SOAT1: variants seen among roughly 807,000 people sequenced by gnomAD.
SOAT1 encodes the protein acyl-coenzyme A:cholesterol acyltransferase 1.
A neutral mutation model predicts 69.5 loss-of-function variants in SOAT1; 55 were observed. The observed-to-expected ratio is 0.79, with a 90% CI of 0.64 to 0.99. The LOEUF (loss-of-function observed/expected upper bound fraction) is 0.99, where lower values mean the gene tolerates loss of function less well. Among genes scored for constraint, SOAT1 ranks in the 50% least tolerant of loss-of-function variants. The pLI, the probability that SOAT1 is intolerant of heterozygous loss-of-function variation, is 0.00. For missense variants in SOAT1, 580 were observed against 669.3 expected, an observed-to-expected ratio of 0.87 and a Z score of 1.47; for synonymous variants, 231 against 224.7, an observed-to-expected ratio of 1.03 and a Z score of -0.25.
intron 10 of SOAT1, among the ~76,000 whole-genome samples, chr1:179,344,377 T>G (rs1571452465): frequency 3.1e-5 from 1 of 32,100 alleles, no homozygotes; most frequent in Non-Finnish European, 6.9e-5. Flanking sequence ...TTTTTTTTTT[T>G]TTTTTTTTTT....
intron 13 of SOAT1, among the ~76,000 whole-genome samples, chr1:179,349,696 T>G (rs1199567331): frequency 6.6e-6 from 1 of 152,192 alleles, no homozygotes; most frequent in Non-Finnish European, 1.5e-5. Flanking sequence ...ACACCTGGCT[T>G]TGAGACATTC....
intron 10 of SOAT1, 135 bp from the exon 11 acceptor site, chr1:179,344,812 A>T: frequency 2.6e-6 from 2 of 765,040 alleles, no homozygotes; most frequent in Non-Finnish European, 4.4e-6. Flanking sequence ...GCAGTCTTCT[A>T]TACTAGTGTT....
rs1035602494 is a variant in SOAT1, at chr1:179,343,491, G to A, written c.942-99G>A. 3.1e-6 allele frequency: 3 copies of A among 982,338 alleles called. No individual in the cohort carries two copies. In the Admixed American group the frequency reaches 6.4e-5, roughly 21 times the overall value. The allele number at this position is 982,338 out of a possible 1,614,324, so 60.9% of individuals were successfully genotyped here. A position where few individuals can be genotyped will look rare whatever the true frequency, so the allele number is the denominator to read the frequency against. Reference sequence around the variant, plus strand: ...TCCAAAGTGCTTGGATTACAGGTGTGAGCCACCGCGCCTGACCAAAAAACA... The same window carrying A: ...TCCAAAGTGCTTGGATTACAGGTGTAAGCCACCGCGCCTGACCAAAAAACA... On this transcript the variant is annotated intron_variant, in intron 9 of 15. Coordinates refer to ENST00000367619, the MANE Select transcript of SOAT1 (RefSeq NM_003101.6).
intron 14 of SOAT1, among the ~76,000 whole-genome samples, 176 bp downstream of exon 14, chr1:179,350,607 C>T (rs1177849230): frequency 6.6e-6 from 1 of 152,190 alleles, no homozygotes; most frequent in African/African-American, 2.4e-5. Flanking sequence ...ACAGCTCTGT[C>T]TCAAGATATT....
In SOAT1 at chr1:179,302,725, C is replaced by G; in HGVS notation, c.41C>G (p.Ser14Ter). ...AAGATGTCTCTAAGAAACCGGCTGTCAAAGTCCAGGGAAAATCCTGAGGAA... is the reference window on the plus strand; with the variant it reads ...AAGATGTCTCTAAGAAACCGGCTGTGAAAGTCCAGGGAAAATCCTGAGGAA... ...EEKMSLRNRLSKSRENPEEDE... is the reference protein window; with the variant it reads ...EEKMSLRNRL The change falls in exon 2 of 16, where the codon TCA (serine) becomes TGA (stop). Residue 14 changes from serine (S) to a stop codon, truncating the protein, a stop_gained. Transcript: ENST00000367619. LOFTEE classifies it high-confidence loss of function. 3.1e-6 allele frequency: 5 copies of G among 1,610,240 alleles called. No individual in the cohort carries two copies. The highest frequency in any genetic ancestry group is 4.2e-6 in the Non-Finnish European group (5 of 1,178,996).
At position 179,294,463 on chromosome 1, in the gene SOAT1, A is replaced by C. The variant is rs58512693; in HGVS notation, c.-9+527A>C. 1.5e-3 allele frequency: 234 copies of C among 152,350 alleles called. 1 individual carries two copies. The highest frequency in any genetic ancestry group is 5.4e-3 in the African/African-American group (226 of 41,584). The allele number at this position is 152,350 out of a possible 1,614,324, so 9.4% of individuals were successfully genotyped here. The stretch of plus-strand genomic sequence containing the variant: ...TAATTTAAATAATATGTATATTGAA[A>C]GGTTATTTCTAAGTGAGAAACAACT... On this transcript the variant is annotated intron_variant, in intron 1 of 15. Coordinates refer to ENST00000367619, the MANE Select transcript of SOAT1 (RefSeq NM_003101.6).
Position 179,356,202 on chromosome 1 carries a change from T to C in SOAT1, c.*2561T>C, listed in dbSNP as rs530472112. 1 of 152,346 alleles carries C rather than the reference T, an allele frequency of 6.6e-6. No homozygotes were observed. The highest frequency in any genetic ancestry group is 1.9e-4 in the East Asian group (1 of 5,192). The allele number at this position is 152,346 out of a possible 1,614,324, so 9.4% of individuals were successfully genotyped here. ...GCTTAAAGTTTTTGTTTCTGTAAGATGTAATGATAGTAACTATTATTTTGG... is the reference window on the plus strand; with the variant it reads ...GCTTAAAGTTTTTGTTTCTGTAAGACGTAATGATAGTAACTATTATTTTGG... On this transcript the variant is annotated 3_prime_UTR_variant, in exon 16 of 16. Transcript: ENST00000367619.
At chr1:179,298,957 A>G (rs1280139446) in intron 1 of SOAT1, among the ~76,000 whole-genome samples, 1 of 152,136 alleles carries the variant, frequency 6.6e-6, no homozygotes, top group Non-Finnish European at 1.5e-5. Context: ...TTCTTTCTTA[A>G]TGCCTGCCTG....
intron 2 of SOAT1, among the ~76,000 whole-genome samples, chr1:179,312,816 A>T (rs1665265013): frequency 6.6e-6 from 1 of 152,144 alleles, no homozygotes; most frequent in African/African-American, 2.4e-5. Flanking sequence ...TGGCCTCAGG[A>T]TGGTAACAGC....
chr1:179,343,260 GCT>G (rs1666402454), intron 9 of SOAT1, among the ~76,000 whole-genome samples: 1 of 150,884 alleles, frequency 6.6e-6, no homozygotes, highest in Non-Finnish European at 1.5e-5. Flanking sequence ...TGGGAGTCTT[GCT>G]CTGTCACCCA....
chr1:179,311,109 T>C (rs901683373), intron 2 of SOAT1, among the ~76,000 whole-genome samples: 1 of 152,200 alleles, frequency 6.6e-6, no homozygotes, highest in Admixed American at 6.5e-5. Flanking sequence ...CTCACGCTTA[T>C]AATCCATGCA....
At chr1:179,312,522 A>G (rs1665254783) in intron 2 of SOAT1, among the ~76,000 whole-genome samples, 1 of 152,198 alleles carries the variant, frequency 6.6e-6, no homozygotes, top group African/African-American at 2.4e-5. Context: ...GTTAGATTAC[A>G]AGTTATGCTG....
chr1:179,351,021 C>CTTTTTTTTTT (rs201449849), intron 14 of SOAT1, among the ~76,000 whole-genome samples: 4 of 127,586 alleles, frequency 3.1e-5, no homozygotes, highest in Non-Finnish European at 6.7e-5. Context: ...ATATTTCTTT[C>CTTTTTTTTTT]TTTTTTTTTT....
intron 11 of SOAT1, among the ~76,000 whole-genome samples, chr1:179,346,392 T>G (rs1666534686): frequency 6.6e-6 from 1 of 152,168 alleles, no homozygotes; most frequent in Admixed American, 6.5e-5. Flanking sequence ...ATGTACTACA[T>G]AAGTAGGATA....
At position 179,321,960 on chromosome 1, in the gene SOAT1, C is replaced by T. The variant is rs118172527; in HGVS notation, c.119-1477C>T. The stretch of plus-strand genomic sequence containing the variant: ...TGCAGTGGTGCGATCACGCTCACTG[C>T]AGGCTCAAATTCTTGGGTTCAAGTG... On this transcript the variant is annotated intron_variant, in intron 2 of 15. Coordinates refer to ENST00000367619, the MANE Select transcript of SOAT1 (RefSeq NM_003101.6). 2.0e-4 allele frequency among the ~76,000 whole-genome samples: 31 copies of T among 151,836 alleles called. No homozygotes were observed. In the East Asian group the frequency reaches 6.0e-3, roughly 29 times the overall value.
Position 179,337,829 on chromosome 1 carries a change from CT to C in SOAT1, c.330-6del, listed in dbSNP as rs770973873. ...CTTATATCTTGTTTTAATTTTTCCT[CT>C]TCTCAGGGATTTGAGAGCACCTCCA... On this transcript the variant is annotated splice_polypyrimidine_tract_variant and splice_region_variant and intron_variant, in intron 4 of 15. Coordinates refer to ENST00000367619, the MANE Select transcript of SOAT1 (RefSeq NM_003101.6). The C allele has an allele frequency of 1.2e-6, 2 of 1,603,848 alleles. No individual in the cohort carries two copies. Among genetic ancestry groups the C allele is most frequent in the Non-Finnish European group, 1.7e-6 (2 of 1,174,318 alleles).
At position 179,302,692 on chromosome 1, in the gene SOAT1, G is replaced by T. The variant is rs765009104; in HGVS notation, c.8G>T (p.Gly3Val). MV[G>V]EEKMSLRNRL... ...TCTTTCCTAGACAATACAATGGTGG[G>T]TGAAGAGAAGATGTCTCTAAGAAAC... Residue 3 changes from glycine (G) to valine (V), a missense_variant, in exon 2 of 16, where the codon GGT (glycine) becomes GTT (valine). Transcript: ENST00000367619. 3 of 1,596,800 alleles carry T rather than the reference G, an allele frequency of 1.9e-6. No homozygotes were observed. The highest frequency in any genetic ancestry group is 2.3e-5 in the South Asian group (2 of 87,998).
intron 15 of SOAT1, among the ~76,000 whole-genome samples, chr1:179,352,983 A>G (rs1571463139): frequency 6.7e-6 from 1 of 150,042 alleles, no homozygotes; most frequent in East Asian, 2.0e-4. Flanking sequence ...TCTCTTTCCT[A>G]TTTCTGAACT....
intron 2 of SOAT1, among the ~76,000 whole-genome samples, chr1:179,307,459 A>G (rs2124942102): frequency 6.6e-6 from 1 of 152,292 alleles, no homozygotes; most frequent in South Asian, 2.1e-4. Flanking sequence ...TACTGTATCA[A>G]CATCTTCTAT....
Sources: allele counts gnomAD v4.1 joint callset (sites outside exome capture counted in the v4.1 genomes callset), GRCh38; gene constraint gnomAD v4.1.1; transcripts MANE v1.5; gene names NCBI Gene and HGNC (gene_info 2026-07-23, HGNC 2026-07-21).